The following GLB1 variants were observed in gnomAD, a reference collection of about 807,000 sequenced individuals.
GLB1 encodes galactosidase beta 1.
A neutral mutation model predicts 74.0 loss-of-function variants in GLB1; 56 were observed. The observed-to-expected ratio is 0.76, with a 90% CI of 0.61 to 0.94. GLB1 has a LOEUF of 0.94. Ranked by LOEUF, GLB1 falls within the 40% of genes least tolerant of loss-of-function variation. GLB1 has a pLI of 0.00. For missense variants in GLB1, 787 were observed against 845.5 expected (o/e 0.93, Z 0.86); for synonymous variants, 323 against 323.6 (o/e 1.00, Z 0.02).
chr3:33,060,346 T>A (rs1439989246), intron 5 of GLB1, among the ~76,000 whole-genome samples: 2 of 152,204 alleles, frequency 1.3e-5, no homozygotes, highest in East Asian at 3.8e-4. Flanking sequence ...AAACTCCCAT[T>A]GATGAGTTCC....
At chr3:33,021,182 C>G in intron 12 of GLB1, 1 of 280,770 alleles carries the variant, frequency 3.6e-6, no homozygotes, top group Non-Finnish European at 6.9e-6. Context: ...AAAACACAGT[C>G]CTTATGCCAT....
At chr3:32,965,750 G>A in the GLB1 span, among the ~76,000 whole-genome samples, 1 of 152,164 alleles carries the variant, frequency 6.6e-6, no homozygotes, top group Non-Finnish European at 1.5e-5. Flanking sequence ...GGGAAAAATG[G>A]TTTCCTGGGC....
Position 33,093,934 on chromosome 3 carries a change from C to A in GLB1, c.75+3077G>T. ...GCCAGGGCCAGAAATGCCAGAACCACCACCTTCCAAAGCTGAAAACAGGTT... is the reference window on the plus strand; with the variant it reads ...GCCAGGGCCAGAAATGCCAGAACCAACACCTTCCAAAGCTGAAAACAGGTT... On this transcript the variant is annotated intron_variant, in intron 1 of 15. Coordinates refer to ENST00000307363, the MANE Select transcript of GLB1 (RefSeq NM_000404.4). This position sits in a 1 kb window ranked among gnomAD's most constrained non-coding sequence, Gnocchi z 6.0. 6.2e-7 allele frequency: 1 copy of A among 1,614,130 alleles called. No homozygotes were observed. The highest frequency in any genetic ancestry group is 8.5e-7 in the Non-Finnish European group (1 of 1,180,024).
intron 15 of GLB1, among the ~76,000 whole-genome samples, chr3:33,013,827 G>A (rs1430557461): frequency 2.0e-5 from 3 of 152,122 alleles, no homozygotes; most frequent in Non-Finnish European, 4.4e-5. Context: ...AGGCAGGATG[G>A]TGTCATTCAC....
At chr3:33,086,909 A>G (rs1700523058) in intron 1 of GLB1, among the ~76,000 whole-genome samples, 1 of 152,112 alleles carries the variant, frequency 6.6e-6, no homozygotes, top group Non-Finnish European at 1.5e-5. Flanking sequence ...AGAAGAAAAA[A>G]ATAAACCCAA....
At chr3:33,006,423 C>A (rs185143968) in intron 15 of GLB1, among the ~76,000 whole-genome samples, 1 of 152,158 alleles carries the variant, frequency 6.6e-6, no homozygotes, top group Non-Finnish European at 1.5e-5. Flanking sequence ...TTTCCACCCC[C>A]CCACCCCTGA....
intron 15 of GLB1, 129 bp downstream of exon 15, chr3:33,013,927 G>GA (rs1340460454): frequency 2.0e-5 from 30 of 1,523,722 alleles, no homozygotes; most frequent in African/African-American, 2.7e-5. Context: ...GCCTCCTGAA[G>GA]AATGTCCGAA....
At chr3:33,006,841 G>T (rs1055910311) in intron 15 of GLB1, among the ~76,000 whole-genome samples, 6 of 152,206 alleles carry the variant, frequency 3.9e-5, no homozygotes, top group Admixed American at 2.0e-4. Context: ...CAGGGCCTTT[G>T]ACAAGGGCCT....
intron 1 of GLB1, chr3:33,090,675 A>G: frequency 1.0e-6 from 1 of 985,470 alleles, no homozygotes; most frequent in Non-Finnish European, 1.2e-6. Context: ...TGTCATGGAG[A>G]CCTGCCCACC....
chr3:33,038,391 A>G (rs1372393228), intron 10 of GLB1, among the ~76,000 whole-genome samples: 1 of 152,232 alleles, frequency 6.6e-6, no homozygotes, highest in East Asian at 1.9e-4. Context: ...TCTCTTAGGG[A>G]GTAAGTAAAT....
chr3:32,990,077 T>C, the GLB1 span, among the ~76,000 whole-genome samples: 2 of 152,212 alleles, frequency 1.3e-5, no homozygotes, highest in Non-Finnish European at 2.9e-5. Flanking sequence ...CTCTGATCCC[T>C]GCATCTCTCC....
In GLB1 at chr3:33,046,186, A is replaced by T. The variant is rs1698733020; in HGVS notation, c.1002T>A (p.Asp334Glu). 1 of 1,613,932 alleles carries T rather than the reference A, an allele frequency of 6.2e-7. No individual in the cohort carries two copies. Among genetic ancestry groups the T allele is most frequent in the Non-Finnish European group, 8.5e-7 (1 of 1,180,010 alleles). ...YAAQPTSYDY[D>E]APLSEAGDLT... ...GGTCCCCAGCCTCACTCAGTGGGGC[A>T]TCATAGTCGTAGCTGGTGGGCTGTG... Residue 334 changes from aspartate to glutamate, a missense_variant, in exon 10 of 16, where the codon GAT (aspartate) becomes GAA (glutamate). Coordinates refer to ENST00000307363, the MANE Select transcript of GLB1 (RefSeq NM_000404.4).
intron 1 of GLB1, among the ~76,000 whole-genome samples, chr3:33,088,064 T>C (rs1700599202): frequency 6.6e-6 from 1 of 152,066 alleles, no homozygotes; most frequent in Admixed American, 6.6e-5. Flanking sequence ...CACCCTTTCA[T>C]GATTAAAAAA....
intron 10 of GLB1, chr3:33,034,499 TG>T: frequency 2.7e-6 from 2 of 735,614 alleles, no homozygotes; most frequent in Non-Finnish European, 2.5e-6. Flanking sequence ...AGATGTGGCC[TG>T]GGCCCCCTCC....
At chr3:33,079,057 G>A (rs1700230647) in intron 1 of GLB1, among the ~76,000 whole-genome samples, 1 of 152,150 alleles carries the variant, frequency 6.6e-6, no homozygotes, top group Non-Finnish European at 1.5e-5. Flanking sequence ...TCTCAAAAAT[G>A]TTGAGAGAAA....
intron 9 of GLB1, among the ~76,000 whole-genome samples, chr3:33,049,199 G>A (rs1001140882): frequency 2.0e-5 from 3 of 152,162 alleles, no homozygotes; most frequent in Admixed American, 2.0e-4. Context: ...CATCTACTAA[G>A]TGAAAAAGGC....
chr3:33,089,333 T>C (rs1299017658), intron 1 of GLB1, among the ~76,000 whole-genome samples: 7 of 152,172 alleles, frequency 4.6e-5, no homozygotes, highest in Admixed American at 1.3e-4. Context: ...GAAAAGGCAA[T>C]GTACAGAACT....
chr3:33,024,986 C>T (rs1697674535), intron 10 of GLB1, among the ~76,000 whole-genome samples: 1 of 151,316 alleles, frequency 6.6e-6, no homozygotes, highest in African/African-American at 2.4e-5. Context: ...GGTCTTGTTG[C>T]CCAGGCTGGA....
intron 15 of GLB1, among the ~76,000 whole-genome samples, chr3:33,001,209 GTCTTCTC>G (rs916095730): frequency 4.8e-5 from 7 of 144,754 alleles, no homozygotes; most frequent in Non-Finnish European, 9.2e-5. Context: ...CCTCCTTCCT[GTCTTCTC>G]TCTTCTCTCT....
Sources: allele counts gnomAD v4.1 joint callset (sites outside exome capture counted in the v4.1 genomes callset), GRCh38; gene constraint gnomAD v4.1.1; non-coding constraint Gnocchi (gnomAD v3.1); transcripts MANE v1.5; gene names NCBI Gene and HGNC (gene_info 2026-07-23, HGNC 2026-07-21).